CYB561: variants seen among roughly 807,000 people sequenced by gnomAD.
CYB561 encodes the protein cytochrome b561, also known as transmembrane ascorbate-dependent reductase CYB561.
In CYB561, 11 loss-of-function variants were observed where a neutral mutation model predicts 25.3. The observed-to-expected ratio is 0.44, with a 90% CI of 0.27 to 0.72. The LOEUF (loss-of-function observed/expected upper bound fraction) is 0.72, where lower values mean the gene tolerates loss of function less well. Ranked by LOEUF, CYB561 falls within the 30% of genes least tolerant of loss-of-function variation. The probability of loss-of-function intolerance (pLI) is 0.18; values close to 1 mark genes in which losing one functional copy is unlikely to be tolerated. For missense variants in CYB561, 295 were observed against 334.9 expected (o/e 0.88, Z 0.93); for synonymous variants, 165 against 158.8 (o/e 1.04, Z -0.29).
chr17:63,438,893 C>T (rs1487235246), intron 1 of CYB561, among the ~76,000 whole-genome samples: 2 of 152,216 alleles, frequency 1.3e-5, no homozygotes, highest in African/African-American at 2.4e-5. Context: ...CACCCGGCAG[C>T]GGCCTGTGCG....
intron 3 of CYB561, 68 bp downstream of exon 3, chr17:63,435,986 T>G: frequency 6.2e-7 from 1 of 1,611,604 alleles, no homozygotes; most frequent in South Asian, 1.1e-5. Context: ...ACAGAGCAGG[T>G]GAAGCGGCTG....
Position 63,435,186 on chromosome 17 carries a change from G to A in CYB561, c.463C>T (p.Arg155Cys), listed in dbSNP as rs376683537. ...FPGASFSLRS[R>C]YRPQHIFFGA... The stretch of plus-strand genomic sequence containing the variant: ...AAGAAGATGTGCTGTGGGCGGTAGC[G>A]GCTCCGCAGGGAGAATGAAGCTCCG... The change falls in exon 5 of 6, where the codon CGC becomes TGC. Residue 155 changes from arginine (R) to cysteine (C), a missense_variant. Arg to Cys is a radical substitution (Grantham distance 180). Transcript: ENST00000360793. The A allele has an allele frequency of 3.3e-5, 54 of 1,614,046 alleles. No individual in the cohort carries two copies. The highest frequency in any genetic ancestry group is 4.5e-5 in the East Asian group (2 of 44,898).
At chr17:63,442,649 C>T (rs568864155) in intron 1 of CYB561, 1 of 152,226 alleles carries the variant, frequency 6.6e-6, no homozygotes, top group Non-Finnish European at 1.5e-5. Context: ...AGGGAGCTCA[C>T]GTAGCCCCTC....
In CYB561 at chr17:63,433,080, G is replaced by A. The variant is rs1233744124; in HGVS notation, c.*1322C>T. ...TTTTTTTTTCTTTTTTGAGCCTGTC[G>A]CCCAGGCTGGAGTGCAATCTCAGCT... is the stretch of plus-strand genomic sequence containing the variant. On this transcript the variant is annotated 3_prime_UTR_variant, in exon 6 of 6. Transcript: ENST00000360793. 3.5e-5 allele frequency: 10 copies of A among 282,774 alleles called. No individual in the cohort carries two copies. The highest frequency in any genetic ancestry group is 5.2e-5 in the Non-Finnish European group (8 of 153,764). The allele number at this position is 282,774 out of a possible 1,614,324, so 17.5% of individuals were successfully genotyped here.
rs1481651374 is a variant in CYB561, at chr17:63,438,347, C to T, written c.-13-787G>A. On this transcript the variant is annotated intron_variant, in intron 1 of 5. Transcript: ENST00000360793. ...TCCAGACGCGTCATGAAGTACATCT[C>T]GGGAGAAATGGGAAGTCTCCCTCCC... is the stretch of plus-strand genomic sequence containing the variant. 6 of 745,658 alleles carry T rather than the reference C, an allele frequency of 8.0e-6. No homozygotes were observed. In the Admixed American group the frequency reaches 1.6e-4, roughly 20 times the overall value. 46.2% of individuals were successfully genotyped at this position (745,658 alleles called of 1,614,324 possible). A position where few individuals can be genotyped will look rare whatever the true frequency, so the allele number is the denominator to read the frequency against.
Position 63,433,223 on chromosome 17 carries a change from C to T in CYB561, c.*1179G>A, listed in dbSNP as rs184270753. On this transcript the variant is annotated 3_prime_UTR_variant, in exon 6 of 6. Coordinates refer to ENST00000360793, the MANE Select transcript of CYB561 (RefSeq NM_001915.4). ...AATTTTTTTGTATTTTTAGTAGAGACGGGGTTTCACTGTGTTTGTTAGTCA... is the reference window on the plus strand; with the variant it reads ...AATTTTTTTGTATTTTTAGTAGAGATGGGGTTTCACTGTGTTTGTTAGTCA... 3.1e-4 allele frequency: 122 copies of T among 392,158 alleles called. No individual in the cohort carries two copies. The highest frequency in any genetic ancestry group is 2.3e-3 in the African/African-American group (112 of 48,546). The allele number at this position is 392,158 out of a possible 1,614,324, so 24.3% of individuals were successfully genotyped here.
Position 63,435,745 on chromosome 17 carries a change from G to A in CYB561, c.348C>T (p.Asp116=), listed in dbSNP as rs764716357. Residue 116 remains aspartate (D), a synonymous_variant, in exon 4 of 6, where the codon GAC becomes GAT. Coordinates refer to ENST00000360793, the MANE Select transcript of CYB561 (RefSeq NM_001915.4). ...CGCACCAGCTGTGTAGGCTGTACAGGTCAGCGTAGCCCTTCTTCCTGTGGT... is the reference window on the plus strand; with the variant it reads ...CGCACCAGCTGTGTAGGCTGTACAGATCAGCGTAGCCCTTCTTCCTGTGGT... The part of the protein sequence containing the change: ...FDYHRKKGYA[D]LYSLHSWCGI... 3.3e-5 allele frequency: 53 copies of A among 1,614,118 alleles called. No homozygotes were observed. Among genetic ancestry groups the A allele is most frequent in the Non-Finnish European group, 4.3e-5 (51 of 1,180,046 alleles).
intron 1 of CYB561, among the ~76,000 whole-genome samples, chr17:63,445,122 G>C (rs986753970): frequency 4.6e-5 from 7 of 152,144 alleles, no homozygotes; most frequent in African/African-American, 7.2e-5. Flanking sequence ...GTTGCAGTGA[G>C]CTGATATTGC....
Position 63,437,403 on chromosome 17 carries a change from G to T in CYB561, c.145C>A (p.Gln49Lys). The T allele has an allele frequency of 6.2e-7, 1 of 1,614,098 alleles. No homozygotes were observed. The highest frequency in any genetic ancestry group is 8.5e-7 in the Non-Finnish European group (1 of 1,180,002). The change falls in exon 2 of 6, where the codon CAG (glutamine) becomes AAG (lysine). Residue 49 changes from glutamine to lysine, a missense_variant. Transcript: ENST00000360793. ...ATGCAGAGGGGGTGCGCGTTGAACT[G>T]CAGGTCGCTCTCCCAGGCAATGCCG... Reference protein sequence around the residue: ...RGGIAWESDLQFNAHPLCMVI... With the variant: ...RGGIAWESDLKFNAHPLCMVI...
At chr17:63,435,900 G>T in intron 3 of CYB561, 109 bp from the exon 4 acceptor site, 1 of 1,581,476 alleles carries the variant, frequency 6.3e-7, no homozygotes, top group Admixed American at 1.7e-5. Flanking sequence ...GTCCCAGCTC[G>T]AGGGCTGCCA....
intron 1 of CYB561, among the ~76,000 whole-genome samples, chr17:63,439,687 T>C (rs1193169280): frequency 6.6e-6 from 1 of 152,182 alleles, no homozygotes; most frequent in African/African-American, 2.4e-5. Flanking sequence ...AAAACACATA[T>C]GCATCCTTTT....
chr17:63,443,128 G>A (rs1008215509), intron 1 of CYB561, among the ~76,000 whole-genome samples: 4 of 152,190 alleles, frequency 2.6e-5, no homozygotes, highest in Non-Finnish European at 5.9e-5. Flanking sequence ...AGCATGTGAT[G>A]AAGGAGAAAG....
At chr17:63,437,314 C>A (rs374697289) in intron 2 of CYB561, 32 bp downstream of exon 2, 2 of 1,582,056 alleles carry the variant, frequency 1.3e-6, no homozygotes, top group African/African-American at 1.3e-5. Flanking sequence ...CCCCACAAGC[C>A]CGGGAAAAGA....
At chr17:63,440,505 G>A (rs751965154) in intron 1 of CYB561, among the ~76,000 whole-genome samples, 7 of 152,072 alleles carry the variant, frequency 4.6e-5, no homozygotes, top group Non-Finnish European at 8.8e-5. Context: ...AAGTGCCCCC[G>A]AGTGCCAGTG....
In CYB561 at chr17:63,437,466, C is replaced by G. The variant is rs765643298; in HGVS notation, c.82G>C (p.Val28Leu). The G allele has an allele frequency of 1.5e-5, 24 of 1,613,900 alleles. No individual in the cohort carries two copies. The highest frequency in any genetic ancestry group is 2.0e-5 in the Non-Finnish European group (24 of 1,179,962). ...CCGAGCCACGCGCCGGTCATGGCCA[C>G]CAAGGTCAGGCCCAGCAGCTGGGAG... The part of the protein sequence containing the change: ...AFSQLLGLTL[V>L]AMTGAWLGLY... The change falls in exon 2 of 6, where the codon GTG becomes CTG. Residue 28 changes from valine (V) to leucine (L), a missense_variant. Coordinates refer to ENST00000360793, the MANE Select transcript of CYB561 (RefSeq NM_001915.4).
In CYB561 at chr17:63,437,524, G is replaced by A. The variant is rs140356224; in HGVS notation, c.24C>T (p.Ala8=). MEGGAAA[A]TPTALPYYVA... is the part of the protein sequence containing the mutation. ...CGTAGTAAGGCAGTGCTGTGGGGGT[G>A]GCTGCCGCGGCCCCGCCCTCCATGC... is the stretch of plus-strand genomic sequence containing the variant. Residue 8 remains alanine, a synonymous_variant, in exon 2 of 6, where the codon GCC becomes GCT. Coordinates refer to ENST00000360793, the MANE Select transcript of CYB561 (RefSeq NM_001915.4). 2.1e-3 allele frequency: 3,329 copies of A among 1,611,874 alleles called. 4 individuals are homozygous for A. The highest frequency in any genetic ancestry group is 2.5e-3 in the Non-Finnish European group (2,985 of 1,179,872).
chr17:63,435,614 T>C (rs937126055), intron 4 of CYB561, 74 bp downstream of exon 4: 2 of 1,209,202 alleles, frequency 1.7e-6, no homozygotes, highest in South Asian at 1.2e-5. Flanking sequence ...ATGAGGTACA[T>C]TTCAGCCCAG....
In CYB561 at chr17:63,435,092, T is replaced by C. The variant is rs2049279728; in HGVS notation, c.557A>G (p.Asn186Ser). The change falls in exon 5 of 6, where the codon AAC becomes AGC. Residue 186 changes from asparagine (N) to serine (S), a missense_variant. Transcript: ENST00000360793. ...LLGLKEALLFNLGGKYSAFEP... is the reference protein window; with the variant it reads ...LLGLKEALLFSLGGKYSAFEP... ...TCCCACCCAGGACACTCACCCGAGG[T>C]TGAACAGCAGTGCCTCCTTCAGGCC... 7 of 1,613,066 alleles carry C rather than the reference T, an allele frequency of 4.3e-6. No homozygotes were observed. Among genetic ancestry groups the C allele is most frequent in the Non-Finnish European group, 5.9e-6 (7 of 1,179,572 alleles).
Position 63,437,590 on chromosome 17 carries a change from A to G in CYB561, c.-13-30T>C, listed in dbSNP as rs1399098547. On this transcript the variant is annotated intron_variant, in intron 1 of 5. Transcript: ENST00000360793. ...AAGAAAGAGCAGAGCTCAGAGGAGCAGCGCACAGCACCCCGAGATGCGCAC... is the reference window on the plus strand; with the variant it reads ...AAGAAAGAGCAGAGCTCAGAGGAGCGGCGCACAGCACCCCGAGATGCGCAC... 8 of 1,570,274 alleles carry G rather than the reference A, an allele frequency of 5.1e-6. No homozygotes were observed. The Admixed American group carries it at 1.2e-4, about 24-fold the overall frequency.
Sources: gnomAD v4.1 joint callset for allele counts (sites outside exome capture counted in the v4.1 genomes callset) on GRCh38, gnomAD v4.1.1 for gene constraint, MANE v1.5 for transcripts, NCBI Gene and HGNC (gene_info 2026-07-23, HGNC 2026-07-21) for gene names.